The following AADACL3 variants were observed in gnomAD, a reference collection of about 807,000 sequenced individuals.
AADACL3 encodes arylacetamide deacetylase-like 3.
In AADACL3, 13 loss-of-function variants were observed where a neutral mutation model predicts 13.6. The ratio of observed to expected loss-of-function variants is 0.95; its 90% CI spans 0.62 to 1.52. The LOEUF is 1.52. AADACL3 is among the 40% of genes most tolerant of loss of function. AADACL3 has a pLI of 0.00. For missense variants in AADACL3, 519 were observed against 499.2 expected, an observed-to-expected ratio of 1.04 and a Z score of -0.38; for synonymous variants, 195 against 197.0, an observed-to-expected ratio of 0.99 and a Z score of 0.08.
At chr1:12,720,750 A>G (rs1312085272) in intron 2 of AADACL3, 133 bp from the exon 3 acceptor site, 3 of 673,802 alleles carry the variant, frequency 4.5e-6, no homozygotes, top group Non-Finnish European at 7.9e-6. Context: ...GAGAAGATTG[A>G]CCGGAAGTTT....
chr1:12,719,236 G>A (rs1648510568), intron 1 of AADACL3, among the ~76,000 whole-genome samples: 1 of 152,192 alleles, frequency 6.6e-6, no homozygotes, highest in Admixed American at 6.5e-5. Context: ...AGTGGAAGGT[G>A]TCAGGAGAGT....
chr1:12,717,118 A>G (rs1008469493), intron 1 of AADACL3, among the ~76,000 whole-genome samples: 1 of 152,246 alleles, frequency 6.6e-6, no homozygotes, highest in Non-Finnish European at 1.5e-5. Flanking sequence ...AGTTTCTTAC[A>G]TAACGAAAAG....
Position 12,725,726 on chromosome 1 carries a change from C to T in AADACL3, c.954C>T (p.Val318=). The T allele has an allele frequency of 6.2e-7, 1 of 1,614,136 alleles. No homozygotes were observed. The highest frequency in any genetic ancestry group is 8.5e-7 in the Non-Finnish European group (1 of 1,180,024). Residue 318 remains valine, a synonymous_variant, in exon 4 of 4, where the codon GTC becomes GTT. Transcript: ENST00000359318. ...CTGCTTACTTGGAAGTAAGTGTTGT[C>T]CTGGATGTGATGTGCTCGCCCCTGA... ...NEAAYLEVSV[V]LDVMCSPLIA... is the part of the protein sequence containing the mutation.
intron 2 of AADACL3, among the ~76,000 whole-genome samples, chr1:12,720,631 G>C (rs570653773): frequency 6.6e-6 from 1 of 152,126 alleles, no homozygotes; most frequent in Non-Finnish European, 1.5e-5. Context: ...AAACCTCTGC[G>C]TTCTACAGTC....
rs775783092 is a variant in AADACL3 at position 12,725,468 on chromosome 1, C to T, written c.696C>T (p.Thr232=). 1.2e-6 allele frequency: 2 copies of T among 1,613,894 alleles called. No homozygotes were observed. Among genetic ancestry groups the T allele is most frequent in the South Asian group, 2.2e-5 (2 of 91,020 alleles). ...TTCTCCAAGCCCTGGATTTACAAAC[C>T]CCTTCGTTTCAACAGAGGAAAAACA... ...YAILQALDLQ[T]PSFQQRKNIP... Residue 232 remains threonine (T), a synonymous_variant, in exon 4 of 4, where the codon ACC becomes ACT. Transcript: ENST00000359318.
chr1:12,720,844 A>G, intron 2 of AADACL3, 39 bp from the exon 3 acceptor site: 7 of 1,570,524 alleles, frequency 4.5e-6, no homozygotes, highest in Non-Finnish European at 6.1e-6. Context: ...TGGCAAAGGA[A>G]GCCTTCCTAG....
chr1:12,719,790 T>C, intron 2 of AADACL3, 99 bp downstream of exon 2: 1 of 1,260,562 alleles, frequency 7.9e-7, no homozygotes. Context: ...ATGCTATTAT[T>C]ATCAGGGAAC....
Position 12,716,191 on chromosome 1 carries a change from C to T in AADACL3, c.15C>T (p.Ala5=), listed in dbSNP as rs1273300415. 2 of 970,202 alleles carry T rather than the reference C, an allele frequency of 2.1e-6. No homozygotes were observed. The highest frequency in any genetic ancestry group is 1.8e-5 in the Admixed American group (1 of 56,210). The allele number at this position is 970,202 out of a possible 1,614,324, so 60.1% of individuals were successfully genotyped here. A position where few individuals can be genotyped will look rare whatever the true frequency, so the allele number is the denominator to read the frequency against. Residue 5 remains alanine (A), a synonymous_variant, in exon 1 of 4, where the codon GCC becomes GCT. Coordinates refer to ENST00000359318, the MANE Select transcript of AADACL3 (RefSeq NM_001103170.3). MWDL[A]LIFLAAACVF... ...CTGGAAGCAGCATGTGGGACCTGGC[C>T]CTGATCTTCCTCGCAGCAGCCTGCG... is the stretch of plus-strand genomic sequence containing the variant.
Position 12,720,910 on chromosome 1 carries a change from T to C in AADACL3, c.413T>C (p.Leu138Ser). Residue 138 changes from leucine to serine, a missense_variant, in exon 3 of 4, where the codon TTG (leucine) becomes TCG (serine). Leu to Ser is a moderately radical substitution (Grantham distance 145). Coordinates refer to ENST00000359318, the MANE Select transcript of AADACL3 (RefSeq NM_001103170.3). ...LKTHHGICSR[L>S]CKESDSVVLA... ...ACCCACCATGGCATATGCTCTCGTT[T>C]GTGCAAGGAGAGTGACTCCGTGGTT... is the stretch of plus-strand genomic sequence containing the variant. The C allele has an allele frequency of 6.2e-7, 1 of 1,609,006 alleles. No homozygotes were observed. The highest frequency in any genetic ancestry group is 8.5e-7 in the Non-Finnish European group (1 of 1,176,832).
Position 12,725,252 on chromosome 1 carries a change from A to G in AADACL3, c.480A>G (p.Pro160=), listed in dbSNP as rs746557481. 5 of 1,607,250 alleles carry G rather than the reference A, an allele frequency of 3.1e-6. No individual in the cohort carries two copies. Among genetic ancestry groups the G allele is most frequent in the Non-Finnish European group, 3.4e-6 (4 of 1,177,720 alleles). The change falls in exon 4 of 4, where the codon CCA becomes CCG. Residue 160 remains proline (P), a synonymous_variant. Coordinates refer to ENST00000359318, the MANE Select transcript of AADACL3 (RefSeq NM_001103170.3). The part of the protein sequence containing the change: ...GYRKLPKHKF[P]VPVRDCLVAT... ...GCAAGTTACCTAAGCATAAGTTTCC[A>G]GTGCCAGTAAGAGACTGCTTGGTGG... is the stretch of plus-strand genomic sequence containing the variant.
At chr1:12,719,732 C>T (rs1234351266) in intron 2 of AADACL3, 41 bp downstream of exon 2, 2 of 1,565,322 alleles carry the variant, frequency 1.3e-6, no homozygotes, top group Non-Finnish European at 1.8e-6. Context: ...GGTGGTGGCA[C>T]CCCTTAACAT....
rs1638395218 is a variant in AADACL3, at chr1:12,727,558, T to C, written c.*1562T>C. On this transcript the variant is annotated 3_prime_UTR_variant, in exon 4 of 4. Transcript: ENST00000359318. ...GGCTCTGATCTTGGTTGGTTAGTGG[T>C]CTTTACAGGCCAAGGTCAAGGCCAT... The C allele has an allele frequency of 6.6e-6, 1 of 152,200 alleles. No individual in the cohort carries two copies. The highest frequency in any genetic ancestry group is 2.4e-5 in the African/African-American group (1 of 41,440). The allele number at this position is 152,200 out of a possible 1,614,324, so 9.4% of individuals were successfully genotyped here.
Position 12,728,668 on chromosome 1 carries a change from T to C in AADACL3, c.*2672T>C, listed in dbSNP as rs778191106. 3 of 152,422 alleles carry C rather than the reference T, an allele frequency of 2.0e-5. No individual in the cohort carries two copies. The highest frequency in any genetic ancestry group is 4.4e-5 in the Non-Finnish European group (3 of 68,044). 9.4% of individuals were successfully genotyped at this position (152,422 alleles called of 1,614,324 possible). On this transcript the variant is annotated 3_prime_UTR_variant, in exon 4 of 4. Coordinates refer to ENST00000359318, the MANE Select transcript of AADACL3 (RefSeq NM_001103170.3). The stretch of plus-strand genomic sequence containing the variant: ...TTGTCGTAATCTTTTTGCTGGTTGA[T>C]GGTCTTGCCTTGATGTTGATGCTGC...
At chr1:12,718,016 A>G (rs776563962) in intron 1 of AADACL3, among the ~76,000 whole-genome samples, 7 of 152,184 alleles carry the variant, frequency 4.6e-5, no homozygotes, top group Non-Finnish European at 1.0e-4. Flanking sequence ...GAAATCAGAC[A>G]TATTTGCATT....
chr1:12,719,388 C>T (rs1557569809), intron 1 of AADACL3, 87 bp from the exon 2 acceptor site: 1 of 1,303,782 alleles, frequency 7.7e-7, no homozygotes, highest in Admixed American at 1.7e-5. Flanking sequence ...CCTTTTGCCA[C>T]CTGTGGAGGG....
chr1:12,718,506 T>G (rs959943807), intron 1 of AADACL3, among the ~76,000 whole-genome samples: 2 of 151,976 alleles, frequency 1.3e-5, no homozygotes, highest in Admixed American at 6.6e-5. Flanking sequence ...TTTTAACTCT[T>G]TTTTTTTGAG....
At position 12,725,471 on chromosome 1, in the gene AADACL3, T is replaced by A. The variant is rs1359704249; in HGVS notation, c.699T>A (p.Pro233=). ...AILQALDLQT[P]SFQQRKNIPL... ...TCCAAGCCCTGGATTTACAAACCCCTTCGTTTCAACAGAGGAAAAACATCC... is the reference window on the plus strand; with the variant it reads ...TCCAAGCCCTGGATTTACAAACCCCATCGTTTCAACAGAGGAAAAACATCC... Residue 233 remains proline, a synonymous_variant, in exon 4 of 4, where the codon CCT becomes CCA. Coordinates refer to ENST00000359318, the MANE Select transcript of AADACL3 (RefSeq NM_001103170.3). 1.9e-6 allele frequency: 3 copies of A among 1,613,864 alleles called. No homozygotes were observed. The African/African-American group carries it at 4.0e-5, about 22-fold the overall frequency.
At chr1:12,723,846 C>T (rs1224184322) in intron 3 of AADACL3, among the ~76,000 whole-genome samples, 4 of 145,928 alleles carry the variant, frequency 2.7e-5, no homozygotes, top group Non-Finnish European at 4.5e-5. Context: ...TGCAAGAGCG[C>T]GATCTCGGCT....
rs1339317416 is a variant in AADACL3 at position 12,728,727 on chromosome 1, GC to G, written c.*2732del. ...GTTGCTGAAGGTGGGGGAGGCTGTGGCAATTTCTTAAAATAAAATAAGACAA... is the reference window on the plus strand; with the variant it reads ...GTTGCTGAAGGTGGGGGAGGCTGTGGAATTTCTTAAAATAAAATAAGACAA... On this transcript the variant is annotated 3_prime_UTR_variant, in exon 4 of 4. Transcript: ENST00000359318. The G allele has an allele frequency of 6.6e-6, 1 of 152,326 alleles. No homozygotes were observed. The highest frequency in any genetic ancestry group is 1.9e-4 in the East Asian group (1 of 5,182). The allele number at this position is 152,326 out of a possible 1,614,324, so 9.4% of individuals were successfully genotyped here. A position where few individuals can be genotyped will look rare whatever the true frequency, so the allele number is the denominator to read the frequency against.
Sources: allele counts gnomAD v4.1 joint callset (sites outside exome capture counted in the v4.1 genomes callset), GRCh38; gene constraint gnomAD v4.1.1; transcripts MANE v1.5; gene names NCBI Gene and HGNC (gene_info 2026-07-23, HGNC 2026-07-21).